CLIP2: variants seen among roughly 807,000 people sequenced by gnomAD.
The protein encoded by CLIP2 is CAP-Gly domain containing linker protein 2.
A neutral mutation model predicts 111.7 loss-of-function variants in CLIP2; 41 were observed. That is an observed-to-expected ratio of 0.37 (90% confidence interval 0.29 to 0.48). The LOEUF (loss-of-function observed/expected upper bound fraction) is 0.48, where lower values mean the gene tolerates loss of function less well. Ranked by LOEUF, CLIP2 falls within the 20% of genes least tolerant of loss-of-function variation. CLIP2 has a pLI of 0.99. For synonymous variants in CLIP2, 660 were observed against 644.2 expected (o/e 1.02, Z -0.37); for missense variants, 1,160 against 1,422.1 (o/e 0.82, Z 2.96).
Position 74,315,241 on chromosome 7 carries a change from G to A in CLIP2, c.-67-2239G>A, listed in dbSNP as rs573202417. ...CAGTGAGCCGAGATGCTGTCACTGC[G>A]CTCTAGCCTGGGCGAGAGAGCGAGA... On this transcript the variant is annotated intron_variant, in intron 1 of 16. Coordinates refer to ENST00000223398, the MANE Select transcript of CLIP2 (RefSeq NM_003388.5). Among the ~76,000 whole-genome samples the A allele has an allele frequency of 8.5e-5, 13 of 152,110 alleles. 1 individual carries two copies. In the South Asian group the frequency reaches 2.3e-3, roughly 27 times the overall value.
chr7:74,319,896 G>T (rs1355002472), intron 2 of CLIP2, among the ~76,000 whole-genome samples: 1 of 151,704 alleles, frequency 6.6e-6, no homozygotes, highest in Non-Finnish European at 1.5e-5. Flanking sequence ...AGCCAGGACA[G>T]ATCTGAAGGA....
In CLIP2 at chr7:74,351,720, C is replaced by T. The variant is rs1584352050; in HGVS notation, c.679-2160C>T. Among the ~76,000 whole-genome samples, 4 of 152,088 alleles carry T rather than the reference C, an allele frequency of 2.6e-5. No homozygotes were observed. The East Asian group carries it at 7.7e-4, about 29-fold the overall frequency. ...GCATGGTGACAAACGCCTATAATCC[C>T]AGCTACTCCGGAGGCTGATGCTGGA... On this transcript the variant is annotated intron_variant, in intron 3 of 16. Transcript: ENST00000223398.
Position 74,317,625 on chromosome 7 carries a change from T to A in CLIP2, c.79T>A (p.Ser27Thr). 2 of 1,525,156 alleles carry A rather than the reference T, an allele frequency of 1.3e-6. No individual in the cohort carries two copies. The highest frequency in any genetic ancestry group is 1.8e-6 in the Non-Finnish European group (2 of 1,130,346). The allele number at this position is 1,525,156 out of a possible 1,614,324, so 94.5% of individuals were successfully genotyped here. Residue 27 changes from serine to threonine, a missense_variant, in exon 2 of 17, where the codon TCA becomes ACA. By Grantham distance (58) the Ser-to-Thr change is moderately conservative. This residue lies in a region of CLIP2 where 301 missense variants were observed against 315.2 expected (regional missense o/e 0.96). Transcript: ENST00000223398. Reference sequence around the variant, plus strand: ...CCCCATGGGCCGGACATCTACTGGGTCAGCTTCATCCTCGGCGGCGGTGGC... The same window carrying A: ...CCCCATGGGCCGGACATCTACTGGGACAGCTTCATCCTCGGCGGCGGTGGC... ...SSPMGRTSTG[S>T]ASSSAAVAAS...
intron 13 of CLIP2, among the ~76,000 whole-genome samples, chr7:74,390,209 GAAA>G (rs1562726932): frequency 2.5e-4 from 25 of 98,854 alleles, no homozygotes; most frequent in African/African-American, 3.6e-4. Context: ...AAGAAAGAAA[GAAA>G]GAAAGAAAGA....
chr7:74,370,238 C>T (rs1790577276), intron 8 of CLIP2, among the ~76,000 whole-genome samples: 2 of 151,016 alleles, frequency 1.3e-5, no homozygotes, highest in Non-Finnish European at 2.9e-5. Flanking sequence ...GGGCGGATCA[C>T]GAGGTCAGGG....
chr7:74,370,750 T>C (rs1790594454), intron 8 of CLIP2, among the ~76,000 whole-genome samples: 1 of 151,996 alleles, frequency 6.6e-6, no homozygotes, highest in Non-Finnish European at 1.5e-5. Flanking sequence ...CCTGAAACAC[T>C]TGCGCCTCTT....
chr7:74,295,843 GAAAATTAA>G (rs1449130112), intron 1 of CLIP2, among the ~76,000 whole-genome samples: 15 of 152,010 alleles, frequency 9.9e-5, no homozygotes, highest in African/African-American at 2.9e-4. Context: ...CATCTCTACA[GAAAATTAA>G]AAAATTAGCT....
In CLIP2 at chr7:74,390,162, G is replaced by GAAGAAAGAAAGAAAGA. The variant is rs200256078; in HGVS notation, c.2720+951_2720+966dup. Among the ~76,000 whole-genome samples, 165 of 84,988 alleles carry GAAGAAAGAAAGAAAGA rather than the reference G, an allele frequency of 1.9e-3. 1 individual carries two copies. The highest frequency in any genetic ancestry group is 0.01 in the Middle Eastern group (2 of 194). The allele number at this position is 84,988 out of a possible 152,430, so 55.8% of individuals were successfully genotyped here. A position where few individuals can be genotyped will look rare whatever the true frequency, so the allele number is the denominator to read the frequency against. ...AAAGAAAGAAAGAAAAAGAAAGAAA[G>GAAGAAAGAAAGAAAGA]AAGAAAGAAAGAAAGAAAGAAAGAA... On this transcript the variant is annotated intron_variant, in intron 13 of 16. Transcript: ENST00000223398.
intron 8 of CLIP2, among the ~76,000 whole-genome samples, chr7:74,365,628 C>G (rs923585828): frequency 6.7e-5 from 10 of 150,218 alleles, no homozygotes; most frequent in Admixed American, 2.7e-4. Context: ...ACAGTGACAG[C>G]TAAGTCAGTC....
chr7:74,400,363 C>T lies in CLIP2; in HGVS notation c.2881-7C>T. On this transcript the variant is annotated splice_polypyrimidine_tract_variant and splice_region_variant and intron_variant, in intron 14 of 16. Coordinates refer to ENST00000223398, the MANE Select transcript of CLIP2 (RefSeq NM_003388.5). ...CATGTACTCTTCCACTCTCCTGCCA[C>T]TTCCAGGACAAAGAGAAATCCCTGT... The T allele has an allele frequency of 6.2e-7, 1 of 1,600,522 alleles. No individual in the cohort carries two copies. Among genetic ancestry groups the T allele is most frequent in the Non-Finnish European group, 8.5e-7 (1 of 1,171,340 alleles).
chr7:74,299,995 CT>C (rs1266566327), intron 1 of CLIP2, among the ~76,000 whole-genome samples: 8 of 149,478 alleles, frequency 5.4e-5, no homozygotes, highest in East Asian at 2.0e-4. Context: ...CTCCACCCAG[CT>C]TTTTTTTTGG....
intron 3 of CLIP2, among the ~76,000 whole-genome samples, chr7:74,350,407 T>C (rs572674093): frequency 6.6e-6 from 1 of 151,932 alleles, no homozygotes; most frequent in Non-Finnish European, 1.5e-5. Context: ...AGGGTCTCAC[T>C]ATATTGCTCA....
At chr7:74,309,630 G>A (rs372947783) in intron 1 of CLIP2, among the ~76,000 whole-genome samples, 1 of 152,042 alleles carries the variant, frequency 6.6e-6, no homozygotes, top group East Asian at 1.9e-4. Flanking sequence ...GGCTGAGGCG[G>A]GTGGATCACC....
At chr7:74,377,426 GA>G (rs1554313185) in intron 10 of CLIP2, among the ~76,000 whole-genome samples, 1 of 152,222 alleles carries the variant, frequency 6.6e-6, no homozygotes, top group African/African-American at 2.4e-5. Flanking sequence ...TCCAAATCTA[GA>G]AATTCCTTAA....
At chr7:74,326,362 G>A (rs1214147586) in intron 2 of CLIP2, among the ~76,000 whole-genome samples, 1 of 152,178 alleles carries the variant, frequency 6.6e-6, no homozygotes, top group African/African-American at 2.4e-5. Context: ...TGGGGTGCCT[G>A]GGGGACCAAG....
At chr7:74,359,985 C>T (rs1790278978) in intron 6 of CLIP2, among the ~76,000 whole-genome samples, 190 bp from the exon 7 acceptor site, 1 of 152,224 alleles carries the variant, frequency 6.6e-6, no homozygotes, top group Admixed American at 6.5e-5. Flanking sequence ...CTGCCTCTGC[C>T]TCTCTTGTTC....
chr7:74,320,813 A>G (rs1415256503), intron 2 of CLIP2, among the ~76,000 whole-genome samples: 1 of 151,914 alleles, frequency 6.6e-6, no homozygotes, highest in Non-Finnish European at 1.5e-5. Context: ...AGGAGGAAGG[A>G]TCTGCAGACA....
chr7:74,374,636 A>G (rs1475910496), intron 9 of CLIP2, among the ~76,000 whole-genome samples: 3 of 152,032 alleles, frequency 2.0e-5, no homozygotes, highest in Non-Finnish European at 4.4e-5. Flanking sequence ...CAGGAGAATC[A>G]TTTGAACCGG....
At chr7:74,303,030 T>C (rs76676460) in intron 1 of CLIP2, among the ~76,000 whole-genome samples, 237 of 152,252 alleles carry the variant, frequency 1.6e-3, no homozygotes, top group Non-Finnish European at 2.5e-3. Flanking sequence ...TGACCAAGTA[T>C]GGGTGGAGAC....
Sources: allele counts gnomAD v4.1 joint callset (sites outside exome capture counted in the v4.1 genomes callset), GRCh38; gene constraint gnomAD v4.1.1; regional missense constraint gnomAD v4.1.1; transcripts MANE v1.5; gene names NCBI Gene and HGNC (gene_info 2026-07-23, HGNC 2026-07-21).